Variants in DCAF7 observed in about 807,000 individuals in gnomAD.
The protein encoded by DCAF7 is DDB1 and CUL4 associated factor 7, also known as DDB1- and CUL4-associated factor 7.
Under a neutral mutation model 41.2 loss-of-function variants are expected in DCAF7, and 4 were observed. The observed-to-expected ratio is 0.10, with a 90% confidence interval of 0.05 to 0.22. The LOEUF (loss-of-function observed/expected upper bound fraction) is 0.22, where lower values mean the gene tolerates loss of function less well. DCAF7 is among the 10% of genes least tolerant of loss of function. DCAF7 has a pLI of 1.00. For synonymous variants in DCAF7, 143 were observed against 164.2 expected, an observed-to-expected ratio of 0.87 and a Z score of 0.99; for missense variants, 131 against 443.2, an observed-to-expected ratio of 0.30 and a Z score of 6.32.
chr17:63,586,125 CA>C (rs545840925), intron 6 of DCAF7, among the ~76,000 whole-genome samples: 795 of 58,466 alleles, frequency 0.014, no homozygotes, highest in Non-Finnish European at 0.02. Flanking sequence ...ACTCTGTCTC[CA>C]AAAAAAAAAA....
intron 1 of DCAF7, among the ~76,000 whole-genome samples, chr17:63,570,128 A>G (rs2033489495): frequency 6.6e-6 from 1 of 151,832 alleles, no homozygotes; most frequent in African/African-American, 2.4e-5. Context: ...CATTACAGGG[A>G]TGTTGGTCAC....
Position 63,550,601 on chromosome 17 carries a change from C to T in DCAF7, c.-77C>T. 6.3e-7 allele frequency: 1 copy of T among 1,584,260 alleles called. No homozygotes were observed. The highest frequency in any genetic ancestry group is 8.6e-7 in the Non-Finnish European group (1 of 1,164,676). On this transcript the variant is annotated 5_prime_UTR_variant, in exon 1 of 7. Coordinates refer to ENST00000614556, the MANE Select transcript of DCAF7 (RefSeq NM_005828.5). The surrounding 1 kb of genome is among the most constrained non-coding windows in gnomAD (Gnocchi z 4.8). The stretch of plus-strand genomic sequence containing the variant: ...GCCCCCTCCTCTCCTCCCTTCGGAC[C>T]CATAGATCTCAGGCTCGGCTCCCCG...
chr17:63,559,785 G>T lies in DCAF7; in HGVS notation c.138+8970G>T, dbSNP rs1207432080. On this transcript the variant is annotated intron_variant, in intron 1 of 6. Transcript: ENST00000614556. ...CCATTGCACTCCAGCCTGGGCAACA[G>T]AGTGGGACTCCGTCTCAAAGAAAAA... 2.6e-5 allele frequency among the ~76,000 whole-genome samples: 4 copies of T among 152,014 alleles called. No individual in the cohort carries two copies. The East Asian group carries it at 7.7e-4, about 29-fold the overall frequency.
chr17:63,559,797 G>A (rs1038747154), intron 1 of DCAF7, among the ~76,000 whole-genome samples: 11 of 151,772 alleles, frequency 7.2e-5, no homozygotes, highest in East Asian at 3.9e-4. Context: ...GTGGGACTCC[G>A]TCTCAAAGAA....
chr17:63,559,429 ATATGTGTG>A (rs1417555904), intron 1 of DCAF7, among the ~76,000 whole-genome samples: 1 of 107,240 alleles, frequency 9.3e-6, no homozygotes, highest in Non-Finnish European at 1.7e-5. Flanking sequence ...ACGTATATAT[ATATGTGTG>A]TGTATATATA....
At chr17:63,579,702 C>T (rs1460349175) in intron 3 of DCAF7, 123 bp from the exon 4 acceptor site, 2 of 850,394 alleles carry the variant, frequency 2.4e-6, no homozygotes, top group Non-Finnish European at 3.6e-6. Context: ...GTAGCCCCCA[C>T]CTTGTTTTCT....
chr17:63,583,594 C>G lies in DCAF7; in HGVS notation c.621C>G (p.Arg207=). Residue 207 remains arginine, a synonymous_variant, in exon 5 of 7, where the codon CGC becomes CGG. Transcript: ENST00000614556. ...ADGSVRMFDL[R]HLEHSTIIYE... Reference sequence around the variant, plus strand: ...GCTCGGTGCGGATGTTTGACCTCCGCCATCTAGAACACAGCACCATCATTT... The same window carrying G: ...GCTCGGTGCGGATGTTTGACCTCCGGCATCTAGAACACAGCACCATCATTT... The G allele has an allele frequency of 1.2e-6, 2 of 1,613,486 alleles. No homozygotes were observed. Among genetic ancestry groups the G allele is most frequent in the Non-Finnish European group, 1.7e-6 (2 of 1,179,504 alleles).
chr17:63,564,152 CACACACACACAT>C (rs1380103329), intron 1 of DCAF7, among the ~76,000 whole-genome samples: 1 of 151,996 alleles, frequency 6.6e-6, no homozygotes, highest in Non-Finnish European at 1.5e-5. Context: ...CACACACACA[CACACACACACAT>C]ACACATATAT....
chr17:63,572,157 C>G (rs1598031757), intron 1 of DCAF7, among the ~76,000 whole-genome samples: 1 of 152,116 alleles, frequency 6.6e-6, no homozygotes, highest in Non-Finnish European at 1.5e-5. Context: ...ATATTCAAAG[C>G]TCATATATTG....
intron 1 of DCAF7, among the ~76,000 whole-genome samples, chr17:63,568,958 T>C (rs1189130413): frequency 6.6e-6 from 1 of 152,228 alleles, no homozygotes; most frequent in Non-Finnish European, 1.5e-5. Flanking sequence ...TTCCAAATGC[T>C]TAGGAGTGAA....
In DCAF7 at chr17:63,583,022, AGTCTCAG is replaced by A. The variant is rs1404726318; in HGVS notation, c.529-476_529-470del. Among the ~76,000 whole-genome samples, 8 of 152,330 alleles carry A rather than the reference AGTCTCAG, an allele frequency of 5.3e-5. No homozygotes were observed. In the South Asian group the frequency reaches 1.7e-3, roughly 32 times the overall value. On this transcript the variant is annotated intron_variant, in intron 4 of 6. Transcript: ENST00000614556. ...TTCTGTTACCTCTTTCTTGCAAATG[AGTCTCAG>A]GTCCAGGTTTCACAGAATCAGCTTG...
intron 5 of DCAF7, 27 bp from the exon 6 acceptor site, chr17:63,585,184 C>G (rs1447245202): frequency 6.3e-7 from 1 of 1,589,886 alleles, no homozygotes; most frequent in East Asian, 2.2e-5. Context: ...CTGATGATCC[C>G]AGGCCTTTTA....
intron 1 of DCAF7, among the ~76,000 whole-genome samples, chr17:63,553,828 C>T (rs1285509355): frequency 6.6e-6 from 1 of 152,148 alleles, no homozygotes; most frequent in Non-Finnish European, 1.5e-5. Flanking sequence ...AATTGACTTC[C>T]AGGTGTTCCT....
At position 63,589,586 on chromosome 17, in the gene DCAF7, C is replaced by G; in HGVS notation, c.*414C>G. ...ATGTCCATGTTCGTGTTAGCACTTA[C>G]GTGGGAACAAATACCAATTTGTCTT... On this transcript the variant is annotated 3_prime_UTR_variant, in exon 7 of 7. Coordinates refer to ENST00000614556, the MANE Select transcript of DCAF7 (RefSeq NM_005828.5). 1 of 224,586 alleles carries G rather than the reference C, an allele frequency of 4.5e-6. No homozygotes were observed. Among genetic ancestry groups the G allele is most frequent in the Non-Finnish European group, 9.1e-6 (1 of 109,406 alleles). The allele number at this position is 224,586 out of a possible 1,614,324, so 13.9% of individuals were successfully genotyped here.
chr17:63,584,095 C>A (rs1460599795), intron 5 of DCAF7, among the ~76,000 whole-genome samples: 1 of 152,196 alleles, frequency 6.6e-6, no homozygotes, highest in Non-Finnish European at 1.5e-5. Flanking sequence ...TCGTATGTGC[C>A]TATGGTGCTG....
chr17:63,552,130 A>T (rs922675592), intron 1 of DCAF7, among the ~76,000 whole-genome samples: 4 of 151,924 alleles, frequency 2.6e-5, no homozygotes, highest in African/African-American at 9.7e-5. Flanking sequence ...TGCAGGGGGG[A>T]AGAAACCAGG....
In DCAF7 at chr17:63,591,196, TC is replaced by T. The variant is rs997290947; in HGVS notation, c.*2026del. ...CTTGTTTAGGAGGCCATCAGTTCCT[TC>T]CTGTGGAGAAGGGTCTGAAATGGAA... is the stretch of plus-strand genomic sequence containing the variant. On this transcript the variant is annotated 3_prime_UTR_variant, in exon 7 of 7. Coordinates refer to ENST00000614556, the MANE Select transcript of DCAF7 (RefSeq NM_005828.5). 6.6e-6 allele frequency: 1 copy of T among 152,138 alleles called. No homozygotes were observed. Among genetic ancestry groups the T allele is most frequent in the African/African-American group, 2.4e-5 (1 of 41,422 alleles). The allele number at this position is 152,138 out of a possible 1,614,324, so 9.4% of individuals were successfully genotyped here. A position where few individuals can be genotyped will look rare whatever the true frequency, so the allele number is the denominator to read the frequency against.
intron 4 of DCAF7, among the ~76,000 whole-genome samples, chr17:63,581,358 T>C (rs2033620810): frequency 6.6e-6 from 1 of 152,154 alleles, no homozygotes; most frequent in Admixed American, 6.6e-5. Flanking sequence ...ATACAGAAGA[T>C]GGTAAAGCTG....
intron 6 of DCAF7, among the ~76,000 whole-genome samples, chr17:63,587,243 G>A (rs1374899488): frequency 6.6e-6 from 1 of 152,044 alleles, no homozygotes; most frequent in Admixed American, 6.5e-5. Context: ...GCTCATGCCT[G>A]TATGTCTCCT....
Sources: gnomAD v4.1 joint callset for allele counts (sites outside exome capture counted in the v4.1 genomes callset) on GRCh38, gnomAD v4.1.1 for gene constraint, Gnocchi (gnomAD v3.1) non-coding constraint, MANE v1.5 for transcripts, NCBI Gene and HGNC (gene_info 2026-07-23, HGNC 2026-07-21) for gene names.